BBX: variants seen among roughly 807,000 people sequenced by gnomAD.
The protein encoded by BBX is HMG box transcription factor BBX.
Under a neutral mutation model 100.2 loss-of-function variants are expected in BBX, and 30 were observed. That is an observed-to-expected ratio of 0.30 (90% CI 0.22 to 0.41). BBX has a LOEUF of 0.41. Ranked by LOEUF, BBX falls within the 10% of genes least tolerant of loss-of-function variation. The pLI is 1.00. For synonymous variants in BBX, 376 were observed against 388.1 expected (o/e 0.97, Z 0.37); for missense variants, 1,023 against 1,129.8 (o/e 0.91, Z 1.35).
intron 2 of BBX, among the ~76,000 whole-genome samples, chr3:107,635,699 G>A (rs1173704048): frequency 6.6e-6 from 1 of 151,290 alleles, no homozygotes; most frequent in Non-Finnish European, 1.5e-5. Context: ...GTATATATGT[G>A]GTTCAGTATT....
At chr3:107,525,261 C>T (rs998031386) in intron 1 of BBX, 3 of 151,582 alleles carry the variant, frequency 2.0e-5, no homozygotes, top group African/African-American at 7.3e-5. Context: ...GCGGTGCCTC[C>T]CTGGGGGGCA....
intron 3 of BBX, among the ~76,000 whole-genome samples, chr3:107,699,887 A>G (rs761763907): frequency 1.2e-4 from 19 of 152,090 alleles, no homozygotes; most frequent in Non-Finnish European, 2.6e-4. Flanking sequence ...GAGGTGATAG[A>G]CATGTTGGAA....
intron 2 of BBX, among the ~76,000 whole-genome samples, chr3:107,578,508 A>T (rs1363264781): frequency 6.6e-6 from 1 of 152,240 alleles, no homozygotes; most frequent in Admixed American, 6.5e-5. Context: ...AAAATATCAC[A>T]TACTAGTGGC....
intron 13 of BBX, among the ~76,000 whole-genome samples, chr3:107,781,003 GTCA>G (rs1189181173): frequency 6.6e-6 from 1 of 151,766 alleles, no homozygotes; most frequent in South Asian, 2.1e-4. Context: ...TTTTTCATTT[GTCA>G]TCATTCAATA....
At chr3:107,661,530 A>G (rs1469129086) in intron 3 of BBX, among the ~76,000 whole-genome samples, 1 of 152,216 alleles carries the variant, frequency 6.6e-6, no homozygotes, top group African/African-American at 2.4e-5. Context: ...TAAAGTTACA[A>G]GCTCAGAAAA....
intron 3 of BBX, among the ~76,000 whole-genome samples, chr3:107,668,359 ACTTAGAGGATT>A (rs766353355): frequency 6.6e-5 from 10 of 152,140 alleles, no homozygotes; most frequent in Admixed American, 1.3e-4. Context: ...TCTGTTTTGA[ACTTAGAGGATT>A]CTTGGCTGCC....
At chr3:107,680,846 T>G (rs2059536010) in intron 3 of BBX, among the ~76,000 whole-genome samples, 1 of 152,200 alleles carries the variant, frequency 6.6e-6, no homozygotes, top group Non-Finnish European at 1.5e-5. Context: ...GTTACTCTTC[T>G]GAAAGTTTTA....
At chr3:107,750,546 A>G (rs2065002365) in intron 9 of BBX, among the ~76,000 whole-genome samples, 1 of 152,166 alleles carries the variant, frequency 6.6e-6, no homozygotes, top group Non-Finnish European at 1.5e-5. Flanking sequence ...TAAATGTTAT[A>G]TGTGTTTATA....
intron 9 of BBX, among the ~76,000 whole-genome samples, chr3:107,754,813 G>T (rs1018548124): frequency 2.0e-5 from 3 of 152,196 alleles, no homozygotes; most frequent in Admixed American, 6.5e-5. Flanking sequence ...GAAGATGCTT[G>T]TAAATGTCTT....
At chr3:107,535,873 A>G (rs1431494778) in intron 2 of BBX, among the ~76,000 whole-genome samples, 2 of 152,262 alleles carry the variant, frequency 1.3e-5, no homozygotes, top group Non-Finnish European at 2.9e-5. Flanking sequence ...TGCTGGGATT[A>G]TAGGCGTGAG....
At chr3:107,705,505 T>A (rs141377876) in intron 3 of BBX, among the ~76,000 whole-genome samples, 4 of 152,352 alleles carry the variant, frequency 2.6e-5, no homozygotes, top group African/African-American at 9.6e-5. Flanking sequence ...TGACTGTGTA[T>A]CACTCAGACA....
chr3:107,547,096 TGAG>T (rs962707688), intron 2 of BBX, among the ~76,000 whole-genome samples: 3 of 152,172 alleles, frequency 2.0e-5, no homozygotes, highest in African/African-American at 7.2e-5. Flanking sequence ...TGTTTTATAA[TGAG>T]GTAGTATAAG....
At chr3:107,687,859 A>G (rs1208853759) in intron 3 of BBX, among the ~76,000 whole-genome samples, 1 of 152,178 alleles carries the variant, frequency 6.6e-6, no homozygotes, top group African/African-American at 2.4e-5. Context: ...GTTCGAGACC[A>G]GCTTGGCCAA....
At chr3:107,689,381 G>A (rs1490579465) in intron 3 of BBX, among the ~76,000 whole-genome samples, 2 of 152,136 alleles carry the variant, frequency 1.3e-5, no homozygotes, top group African/African-American at 2.4e-5. Flanking sequence ...TGCCTATTGT[G>A]TTCAGTACAG....
chr3:107,805,420 C>T lies in BBX; in HGVS notation c.2789C>T (p.Pro930Leu), dbSNP rs1219801398. The change falls in exon 18 of 18, where the codon CCG (proline) becomes CTG (leucine). Residue 930 changes from proline (P) to leucine (L), a missense_variant. Pro to Leu is a moderately conservative substitution (Grantham distance 98). Transcript: ENST00000325805. ...CATGATGGACAGCCAAAAGAAATGC[C>T]GCAGGCTCCTGTACTTATTTCCTGC... is the stretch of plus-strand genomic sequence containing the variant. ...LTHDGQPKEM[P>L]QAPVLISCAD... 5 of 1,614,112 alleles carry T rather than the reference C, an allele frequency of 3.1e-6. No homozygotes were observed. The highest frequency in any genetic ancestry group is 4.2e-6 in the Non-Finnish European group (5 of 1,179,974).
chr3:107,530,275 C>T (rs935757243), intron 2 of BBX, among the ~76,000 whole-genome samples: 1 of 151,942 alleles, frequency 6.6e-6, no homozygotes, highest in African/African-American at 2.4e-5. Context: ...ACCTGTAATC[C>T]CAGCTACTTG....
intron 4 of BBX, 127 bp downstream of exon 4, chr3:107,710,749 A>G (rs184080181): frequency 1.9e-5 from 16 of 841,142 alleles, no homozygotes; most frequent in Admixed American, 3.2e-5. Flanking sequence ...ATCCTATTCA[A>G]TTACTTAGTT....
At chr3:107,782,347 G>A (rs985623224) in intron 13 of BBX, among the ~76,000 whole-genome samples, 1 of 151,982 alleles carries the variant, frequency 6.6e-6, no homozygotes, top group African/African-American at 2.4e-5. Context: ...TTACTTACAA[G>A]TCCAATACAG....
In BBX at chr3:107,773,575, T is replaced by A; in HGVS notation, c.1854T>A (p.Ala618=). 1 of 1,613,954 alleles carries A rather than the reference T, an allele frequency of 6.2e-7. No homozygotes were observed. Among genetic ancestry groups the A allele is most frequent in the Non-Finnish European group, 8.5e-7 (1 of 1,179,934 alleles). Residue 618 remains alanine, a synonymous_variant, in exon 11 of 18, where the codon GCT becomes GCA. Coordinates refer to ENST00000325805, the MANE Select transcript of BBX (RefSeq NM_001142568.3). This position sits in a 1 kb window ranked among gnomAD's most constrained non-coding sequence, Gnocchi z 4.1. ...AATCCGAGAGGTCTTGCAAAGGTGC[T>A]CTTTATAAAACCCTGGTGTCTGAGG... ...SRKSERSCKG[A]LYKTLVSEGM...
Sources: gnomAD v4.1 joint callset for allele counts (sites outside exome capture counted in the v4.1 genomes callset) on GRCh38, gnomAD v4.1.1 for gene constraint, Gnocchi (gnomAD v3.1) non-coding constraint, MANE v1.5 for transcripts, NCBI Gene and HGNC (gene_info 2026-07-23, HGNC 2026-07-21) for gene names.